Variants in ANKRD36B observed in about 807,000 individuals in gnomAD.
ANKRD36B encodes ankyrin repeat domain 36B, also known as ankyrin repeat domain-containing protein 36B.
Under a neutral mutation model 135.7 loss-of-function variants are expected in ANKRD36B, and 37 were observed. That is an observed-to-expected ratio of 0.27 (90% CI 0.21 to 0.36). The LOEUF (loss-of-function observed/expected upper bound fraction) is 0.36. ANKRD36B is among the 10% of genes least tolerant of loss of function. The pLI is 1.00. For missense variants in ANKRD36B, 549 were observed against 1,037.1 expected (o/e 0.53, Z 6.46); for synonymous variants, 179 against 348.1 (o/e 0.51, Z 5.41).
At chr2:97,588,092 G>T (rs1260575337) in intron 1 of ANKRD36B, among the ~76,000 whole-genome samples, 1 of 150,934 alleles carries the variant, frequency 6.6e-6, no homozygotes, top group Non-Finnish European at 1.5e-5. Flanking sequence ...TGTGATATTT[G>T]TAGGAATATA....
At chr2:97,529,754 A>C (rs371805222) in intron 35 of ANKRD36B, among the ~76,000 whole-genome samples, 1,711 of 94,320 alleles carry the variant, frequency 0.018, 499 homozygotes, top group Non-Finnish European at 0.035. Flanking sequence ...TTCTTATACA[A>C]CAATAACAGA....
Position 97,585,320 on chromosome 2 carries a change from G to A in ANKRD36B, c.240C>T (p.Asn80=). ...GTGTCCTGTCTTCACGGTCGCAGAGGTTAAGCTCACATCTTCTGGACACCA... is the reference window on the plus strand; with the variant it reads ...GTGTCCTGTCTTCACGGTCGCAGAGATTAAGCTCACATCTTCTGGACACCA... ...HLLVSRRCEL[N]LCDREDRTPL... Residue 80 remains asparagine (N), a synonymous_variant, in exon 2 of 44, where the codon AAC becomes AAT. Coordinates refer to ENST00000359901, the MANE Select transcript of ANKRD36B (RefSeq NM_001393939.1). 1 of 1,572,138 alleles carries A rather than the reference G, an allele frequency of 6.4e-7. No individual in the cohort carries two copies. Among genetic ancestry groups the A allele is most frequent in the East Asian group, 2.3e-5 (1 of 42,572 alleles).
At chr2:97,584,635 A>G (rs1249265875) in intron 3 of ANKRD36B, among the ~76,000 whole-genome samples, 32 of 139,946 alleles carry the variant, frequency 2.3e-4, no homozygotes, top group Non-Finnish European at 3.6e-4. Flanking sequence ...ATTAGAAAAA[A>G]AGTAATTTAG....
In ANKRD36B at chr2:97,567,166, G is replaced by T. The variant is rs879705406; in HGVS notation, c.764-6306C>A. On this transcript the variant is annotated intron_variant, in intron 6 of 43. Transcript: ENST00000359901. Reference sequence around the variant, plus strand: ...TAAAGAGATGCATAGTGCAAGATACGGGGGGAAAGTAACATGCTTCCATGT... The same window carrying T: ...TAAAGAGATGCATAGTGCAAGATACTGGGGGAAAGTAACATGCTTCCATGT... Among the ~76,000 whole-genome samples the T allele has an allele frequency of 4.8e-3, 721 of 151,348 alleles. 3 individuals carry two copies. Among genetic ancestry groups the T allele is most frequent in the Non-Finnish European group, 6.8e-3 (463 of 67,794 alleles).
At chr2:97,557,989 T>G (rs2080679834) in intron 10 of ANKRD36B, among the ~76,000 whole-genome samples, 3 of 152,086 alleles carry the variant, frequency 2.0e-5, no homozygotes, top group Admixed American at 2.0e-4. Flanking sequence ...TCTAAAATAG[T>G]CTGGTATAAA....
At chr2:97,584,827 A>G in intron 3 of ANKRD36B, 117 bp downstream of exon 3, 1 of 682,398 alleles carries the variant, frequency 1.5e-6, no homozygotes, top group Non-Finnish European at 2.4e-6. Flanking sequence ...GCATTTCAAA[A>G]TATTTTCATT....
intron 35 of ANKRD36B, among the ~76,000 whole-genome samples, chr2:97,529,557 C>A (rs2104438477): frequency 1.1e-5 from 1 of 95,116 alleles, no homozygotes; most frequent in African/African-American, 3.2e-5. Context: ...TGGCCAGGCC[C>A]ATTAGGCAGG....
intron 6 of ANKRD36B, 102 bp from the exon 7 acceptor site, chr2:97,560,962 T>C (rs1391155113): frequency 1.0e-6 from 1 of 960,484 alleles, no homozygotes. Flanking sequence ...TTTGTACTCC[T>C]GCCTGTATTA....
rs935600356 is a variant in ANKRD36B at position 97,549,349 on chromosome 2, A to C, written c.1477+70T>G. ...TGCAGCTTCGACGAGCCCCCCGCTG[A>C]TTTATTTGGGGAAGAGAACTTCTTA... On this transcript the variant is annotated intron_variant, in intron 20 of 43. Coordinates refer to ENST00000359901, the MANE Select transcript of ANKRD36B (RefSeq NM_001393939.1). 8 of 1,488,580 alleles carry C rather than the reference A, an allele frequency of 5.4e-6. No homozygotes were observed. In the African/African-American group the frequency reaches 5.5e-5, roughly 10 times the overall value. 92.2% of individuals were successfully genotyped at this position (1,488,580 alleles called of 1,614,324 possible).
chr2:97,536,600 T>A (rs1038871392), intron 32 of ANKRD36B, 104 bp from the exon 33 acceptor site: 1 of 491,966 alleles, frequency 2.0e-6, no homozygotes, highest in Non-Finnish European at 3.7e-6. Flanking sequence ...TGTATTAGTG[T>A]AGGGTTTCAT....
chr2:97,586,310 T>C (rs556098211), intron 1 of ANKRD36B, among the ~76,000 whole-genome samples: 44 of 152,064 alleles, frequency 2.9e-4, no homozygotes, highest in African/African-American at 8.2e-4. Context: ...GTATTTGCAA[T>C]GATTAATAGT....
chr2:97,524,177 CT>C (rs368146414), intron 35 of ANKRD36B: 29,183 of 81,080 alleles, frequency 0.36, 11,544 homozygotes, highest in African/African-American at 0.65. Context: ...ACACCATCAT[CT>C]TTTTTTTTTT....
intron 6 of ANKRD36B, among the ~76,000 whole-genome samples, chr2:97,563,965 C>T (rs530271770): frequency 1.4e-5 from 2 of 147,728 alleles, no homozygotes; most frequent in South Asian, 4.2e-4. Context: ...AAATCAAATA[C>T]CTCACTGGGT....
intron 6 of ANKRD36B, among the ~76,000 whole-genome samples, chr2:97,562,325 C>CT (rs993346066): frequency 5.6e-4 from 85 of 151,784 alleles, no homozygotes; most frequent in Non-Finnish European, 8.3e-4. Context: ...TCTTTGATTC[C>CT]TTTTTTTTAA....
intron 14 of ANKRD36B, among the ~76,000 whole-genome samples, chr2:97,554,245 A>T (rs1248074641): frequency 6.6e-6 from 1 of 151,976 alleles, no homozygotes; most frequent in Non-Finnish European, 1.5e-5. Context: ...TGTTAGGAGG[A>T]TCATACTATT....
intron 6 of ANKRD36B, among the ~76,000 whole-genome samples, chr2:97,574,280 A>G (rs1270132213): frequency 2.0e-5 from 3 of 152,218 alleles, no homozygotes; most frequent in East Asian, 3.8e-4. Flanking sequence ...CAAAAAACAC[A>G]TGAAAAAATG....
chr2:97,579,189 T>C, intron 4 of ANKRD36B, 146 bp from the exon 5 acceptor site: 2 of 1,158,182 alleles, frequency 1.7e-6, no homozygotes, highest in Non-Finnish European at 2.3e-6. Context: ...TGCTCAAGGG[T>C]TTATCTTTGC....
chr2:97,570,770 T>C (rs1466458361), intron 6 of ANKRD36B, among the ~76,000 whole-genome samples: 5 of 152,202 alleles, frequency 3.3e-5, no homozygotes, highest in Non-Finnish European at 7.3e-5. Flanking sequence ...TCTTTCACTG[T>C]AACAAATCAA....
At position 97,545,803 on chromosome 2, in the gene ANKRD36B, A is replaced by C; in HGVS notation, c.1608+30T>G. 2.2e-5 allele frequency: 21 copies of C among 961,712 alleles called. 9 individuals are homozygous for C. The highest frequency in any genetic ancestry group is 3.0e-5 in the Non-Finnish European group (19 of 634,366). The allele number at this position is 961,712 out of a possible 1,614,324, so 59.6% of individuals were successfully genotyped here. ...ATATTTCATAGACTATACAGTTAAT[A>C]GTTCAAAATACAAAAGAGAGTTTAA... On this transcript the variant is annotated intron_variant, in intron 23 of 43. Transcript: ENST00000359901.
Sources: allele counts gnomAD v4.1 joint callset (sites outside exome capture counted in the v4.1 genomes callset), GRCh38; gene constraint gnomAD v4.1.1; transcripts MANE v1.5; gene names NCBI Gene and HGNC (gene_info 2026-07-23, HGNC 2026-07-21).